The following RGS12 variants were observed in gnomAD, a reference collection of about 807,000 sequenced individuals.
RGS12 encodes the protein regulator of G protein signaling 12.
In RGS12, 66 loss-of-function variants were observed where a neutral mutation model predicts 120.1. The ratio of observed to expected loss-of-function variants is 0.55; its 90% confidence interval spans 0.45 to 0.67. The LOEUF is 0.67. Among genes scored for constraint, RGS12 ranks in the 30% least tolerant of loss-of-function variants. The pLI is 0.00. For missense variants in RGS12, 1,859 were observed against 1,957.7 expected, an observed-to-expected ratio of 0.95 and a Z score of 0.95; for synonymous variants, 827 against 804.7, an observed-to-expected ratio of 1.03 and a Z score of -0.47.
chr4:3,373,266 G>A (rs566024084), intron 3 of RGS12, among the ~76,000 whole-genome samples: 2 of 152,350 alleles, frequency 1.3e-5, no homozygotes, highest in Admixed American at 6.5e-5. Flanking sequence ...TACCACGGGC[G>A]GGCCGGCTGG....
At chr4:3,408,190 G>C (rs1014709019) in intron 4 of RGS12, among the ~76,000 whole-genome samples, 2 of 152,228 alleles carry the variant, frequency 1.3e-5, no homozygotes, top group African/African-American at 4.8e-5. Flanking sequence ...TCTGGCCTTG[G>C]AGCTGGGGTC....
intron 2 of RGS12, among the ~76,000 whole-genome samples, chr4:3,329,036 G>A (rs1338122447): frequency 1.3e-5 from 2 of 152,168 alleles, no homozygotes; most frequent in Non-Finnish European, 2.9e-5. Flanking sequence ...AGGCTCAGCT[G>A]TTGGATTCCA....
chr4:3,317,106 C>T lies in RGS12; in HGVS notation c.936C>T (p.Phe312=), dbSNP rs772418676. The part of the protein sequence containing the change: ...SAVCPDDRRF[F]GLVTMQTNDD... ...TGTGCCCGGACGACCGGCGATTTTTCGGGTTGGTTACCATGCAGACGAATG... is the reference window on the plus strand; with the variant it reads ...TGTGCCCGGACGACCGGCGATTTTTTGGGTTGGTTACCATGCAGACGAATG... The change falls in exon 2 of 18, where the codon TTC becomes TTT. Residue 312 remains phenylalanine, a synonymous_variant. Coordinates refer to ENST00000336727, the MANE Select transcript of RGS12 (RefSeq NM_001394154.1). The T allele has an allele frequency of 5.0e-6, 8 of 1,613,564 alleles. No homozygotes were observed. The highest frequency in any genetic ancestry group is 2.2e-5 in the South Asian group (2 of 91,086).
At chr4:3,439,390 G>C in intron 17 of RGS12, 65 bp from the exon 18 acceptor site, 1 of 1,525,756 alleles carries the variant, frequency 6.6e-7, no homozygotes, top group Non-Finnish European at 9.1e-7. Flanking sequence ...TTCGGGGTAG[G>C]GGGTGGGTTC....
chr4:3,353,808 C>T (rs889030850), intron 3 of RGS12, among the ~76,000 whole-genome samples: 12 of 152,112 alleles, frequency 7.9e-5, no homozygotes, highest in South Asian at 2.1e-4. Flanking sequence ...GGCTTCCATA[C>T]GCCCCCTCTT....
At chr4:3,377,441 C>A (rs576058373) in intron 3 of RGS12, among the ~76,000 whole-genome samples, 26 of 152,260 alleles carry the variant, frequency 1.7e-4, no homozygotes, top group African/African-American at 5.5e-4. Context: ...TGCATTTGAG[C>A]ACCTTGCAGG....
intron 2 of RGS12, among the ~76,000 whole-genome samples, chr4:3,341,831 G>A (rs889831297): frequency 5.6e-5 from 8 of 143,322 alleles, no homozygotes; most frequent in Admixed American, 5.5e-4. Flanking sequence ...GTGGAGGATG[G>A]AGGTGTGGGC....
In RGS12 at chr4:3,422,192, C is replaced by T. The variant is rs189624118; in HGVS notation, c.2839-184C>T. Among the ~76,000 whole-genome samples the T allele has an allele frequency of 2.6e-5, 4 of 152,310 alleles. No homozygotes were observed. In the East Asian group the frequency reaches 7.7e-4, roughly 29 times the overall value. Reference sequence around the variant, plus strand: ...GCTCTCTCGTGTTAATTCACAAAACCCAGCACCTCAGGCAGTGTGGACTGA... The same window carrying T: ...GCTCTCTCGTGTTAATTCACAAAACTCAGCACCTCAGGCAGTGTGGACTGA... On this transcript the variant is annotated intron_variant, in intron 10 of 17. Coordinates refer to ENST00000336727, the MANE Select transcript of RGS12 (RefSeq NM_001394154.1).
intron 2 of RGS12, among the ~76,000 whole-genome samples, chr4:3,326,471 C>G (rs761405218): frequency 7.2e-5 from 11 of 152,152 alleles, no homozygotes; most frequent in African/African-American, 9.7e-5. Context: ...TGGTCTCAAA[C>G]TTCTGGCTCA....
intron 9 of RGS12, chr4:3,419,567 G>C (rs554549976): frequency 1.3e-5 from 2 of 152,116 alleles, no homozygotes; most frequent in African/African-American, 2.4e-5. Flanking sequence ...AAATCCCAGC[G>C]CTTTGGCGGT....
At chr4:3,401,034 T>G (rs1720528051) in intron 4 of RGS12, among the ~76,000 whole-genome samples, 1 of 152,140 alleles carries the variant, frequency 6.6e-6, no homozygotes, top group Admixed American at 6.5e-5. Flanking sequence ...TATTATTATC[T>G]AACTATTATA....
intron 1 of RGS12, among the ~76,000 whole-genome samples, chr4:3,302,600 G>A (rs867866040): frequency 6.6e-6 from 1 of 152,200 alleles, no homozygotes; most frequent in South Asian, 2.1e-4. Context: ...CCCCTTGCAC[G>A]GGGGCCTGTG....
rs541670055 is a variant in RGS12 at position 3,432,553 on chromosome 4, T to TG, written c.4114+1604dup. 1.8e-3 allele frequency among the ~76,000 whole-genome samples: 279 copies of TG among 152,310 alleles called. 2 individuals carry two copies. Among genetic ancestry groups the TG allele is most frequent in the African/African-American group, 6.5e-3 (269 of 41,582 alleles). ...CCTGGGAGGGCCAGACAGACCCACG[T>TG]GGGGGGTCAGTTCTCCTGCCTGCCA... On this transcript the variant is annotated intron_variant, in intron 17 of 17. Transcript: ENST00000336727.
At chr4:3,308,957 GGCACTCGCA>G (rs1724129226) in intron 1 of RGS12, among the ~76,000 whole-genome samples, 1 of 152,280 alleles carries the variant, frequency 6.6e-6, no homozygotes, top group Admixed American at 6.5e-5. Context: ...AGACGCGGTC[GGCACTCGCA>G]GCACTGCTGA....
intron 2 of RGS12, among the ~76,000 whole-genome samples, chr4:3,319,635 G>C (rs181539579): frequency 1.2e-4 from 19 of 152,318 alleles, no homozygotes; most frequent in African/African-American, 3.8e-4. Context: ...TGTAAAGATG[G>C]GATTTTGCCA....
chr4:3,403,378 G>A (rs1720793062), intron 4 of RGS12, among the ~76,000 whole-genome samples: 1 of 152,208 alleles, frequency 6.6e-6, no homozygotes, highest in Non-Finnish European at 1.5e-5. Context: ...CTGCAGGGCT[G>A]TGAGGTCTGG....
rs574250995 is a variant in RGS12 at position 3,371,424 on chromosome 4, G to A, written c.1999-14992G>A. On this transcript the variant is annotated intron_variant, in intron 3 of 17. Transcript: ENST00000336727. ...AGCCATTTGTACTTATTTGTAGGCA[G>A]CACTTTCATCTCAGTGTATATCCAG... 5.2e-4 allele frequency among the ~76,000 whole-genome samples: 79 copies of A among 152,342 alleles called. 1 individual carries two copies. Among genetic ancestry groups the A allele is most frequent in the African/African-American group, 1.5e-3 (62 of 41,578 alleles).
chr4:3,329,102 A>G (rs2108727934), intron 2 of RGS12, among the ~76,000 whole-genome samples: 1 of 152,318 alleles, frequency 6.6e-6, no homozygotes, highest in South Asian at 2.1e-4. Flanking sequence ...GCACACTGCG[A>G]GCATCAGTAC....
At chr4:3,344,120 C>T (rs558479236) in intron 3 of RGS12, among the ~76,000 whole-genome samples, 21 of 152,280 alleles carry the variant, frequency 1.4e-4, no homozygotes, top group Admixed American at 5.2e-4. Flanking sequence ...GGCCAGACTC[C>T]GTCCACAGTG....
Sources: gnomAD v4.1 joint callset for allele counts (sites outside exome capture counted in the v4.1 genomes callset) on GRCh38, gnomAD v4.1.1 for gene constraint, MANE v1.5 for transcripts, NCBI Gene and HGNC (gene_info 2026-07-23, HGNC 2026-07-21) for gene names.